The following DNAJB13 variants were observed in gnomAD, a reference collection of about 807,000 sequenced individuals.
DNAJB13 encodes the protein dnaJ homolog subfamily B member 13.
DNAJB13 carries 22 observed loss-of-function variants against 35.6 expected under a neutral mutation model. That is an observed-to-expected ratio of 0.62 (90% CI 0.44 to 0.88). The LOEUF is 0.88. Ranked by LOEUF, DNAJB13 falls within the 40% of genes least tolerant of loss-of-function variation. The probability of loss-of-function intolerance (pLI) is 0.00; values close to 1 mark genes in which losing one functional copy is unlikely to be tolerated. For missense variants in DNAJB13, 370 were observed against 384.3 expected, an observed-to-expected ratio of 0.96 and a Z score of 0.31; for synonymous variants, 136 against 144.2, an observed-to-expected ratio of 0.94 and a Z score of 0.41.
chr11:73,959,511 TACG>T lies in DNAJB13; in HGVS notation c.193_195del (p.Asp65del), dbSNP rs1406867496. 3 of 1,613,764 alleles carry T rather than the reference TACG, an allele frequency of 1.9e-6. No homozygotes were observed. Among genetic ancestry groups the T allele is most frequent in the Non-Finnish European group, 2.5e-6 (3 of 1,179,844 alleles). On this transcript the variant is annotated inframe_deletion, in exon 3 of 8. Coordinates refer to ENST00000339764, the MANE Select transcript of DNAJB13 (RefSeq NM_153614.4). ...ATCCACAGCCATGAAGAGAGGCATCTACGACAAGTTTGGAGAAGAGGGCCTGAA... is the reference window on the plus strand; with the variant it reads ...ATCCACAGCCATGAAGAGAGGCATCTACAAGTTTGGAGAAGAGGGCCTGAA...
chr11:73,964,604 CCCAAGG>C, intron 3 of DNAJB13: 2 of 417,410 alleles, frequency 4.8e-6, no homozygotes, highest in South Asian at 2.5e-5. Flanking sequence ...GGGGGAATGT[CCCAAGG>C]GGAGGTGAAG....
chr11:73,958,178 C>A (rs1950814169), intron 1 of DNAJB13, 139 bp from the exon 2 acceptor site: 1 of 789,846 alleles, frequency 1.3e-6, no homozygotes. Flanking sequence ...GAGCAGTGCA[C>A]CTCCGCAGCC....
chr11:73,955,018 C>G (rs1198770393), intron 1 of DNAJB13, among the ~76,000 whole-genome samples: 2 of 151,982 alleles, frequency 1.3e-5, no homozygotes, highest in African/African-American at 4.8e-5. Context: ...AAAAAGCAGT[C>G]CTTAACCCTT....
intron 7 of DNAJB13, among the ~76,000 whole-genome samples, chr11:73,969,679 T>C (rs1392271852): frequency 6.6e-6 from 1 of 152,198 alleles, no homozygotes; most frequent in East Asian, 1.9e-4. Flanking sequence ...GAGGTTTGCC[T>C]GGCAGCCCAG....
In DNAJB13 at chr11:73,959,533, G is replaced by A. The variant is rs1327469627; in HGVS notation, c.212G>A (p.Gly71Asp). The A allele has an allele frequency of 3.2e-5, 52 of 1,613,976 alleles. No individual in the cohort carries two copies. Among genetic ancestry groups the A allele is most frequent in the African/African-American group, 9.3e-5 (7 of 74,908 alleles). Residue 71 changes from glycine to aspartate, a missense_variant, in exon 3 of 8, where the codon GGC becomes GAC. Gly to Asp is a moderately conservative substitution (Grantham distance 94). Coordinates refer to ENST00000339764, the MANE Select transcript of DNAJB13 (RefSeq NM_153614.4). Reference sequence around the variant, plus strand: ...ATCTACGACAAGTTTGGAGAAGAGGGCCTGAAGGGTGGGATTCCTTTGGAG... The same window carrying A: ...ATCTACGACAAGTTTGGAGAAGAGGACCTGAAGGGTGGGATTCCTTTGGAG... ...RGIYDKFGEE[G>D]LKGGIPLEFG...
Position 73,964,859 on chromosome 11 carries a change from C to A in DNAJB13, c.335-19C>A. ...TCTCTGGATACAATTTCTCTTACTC[C>A]TCTCCCTACCTCCTGCAGAGTTTTT... On this transcript the variant is annotated intron_variant, in intron 3 of 7. Transcript: ENST00000339764. The A allele has an allele frequency of 6.2e-7, 1 of 1,602,292 alleles. No homozygotes were observed.
At chr11:73,951,707 C>T (rs1167876352) in intron 1 of DNAJB13, among the ~76,000 whole-genome samples, 2 of 152,140 alleles carry the variant, frequency 1.3e-5, no homozygotes, top group Admixed American at 1.3e-4. Context: ...AGTGCAATGG[C>T]GTGATCTCGG....
At chr11:73,967,170 A>G (rs994993148) in intron 5 of DNAJB13, among the ~76,000 whole-genome samples, 9 of 151,202 alleles carry the variant, frequency 6.0e-5, no homozygotes, top group African/African-American at 1.9e-4. Context: ...TAATTTTTGT[A>G]TTTTTATAGA....
chr11:73,966,256 G>T lies in DNAJB13; in HGVS notation c.606+5G>T. ...TTTGAGAAGGAAGGGGACCAGGTGA[G>T]GGGGGAAGAAGCTGACTCAGGTCAG... On this transcript the variant is annotated splice_donor_5th_base_variant and intron_variant, in intron 5 of 7. Coordinates refer to ENST00000339764, the MANE Select transcript of DNAJB13 (RefSeq NM_153614.4). 8 of 1,610,194 alleles carry T rather than the reference G, an allele frequency of 5.0e-6. No homozygotes were observed. Among genetic ancestry groups the T allele is most frequent in the Non-Finnish European group, 5.9e-6 (7 of 1,178,270 alleles).
chr11:73,957,938 T>TGCAGCGAGGCCCGGGGA lies in DNAJB13; in HGVS notation c.69-373_69-357dup, dbSNP rs547743089. On this transcript the variant is annotated intron_variant, in intron 1 of 7. Transcript: ENST00000339764. ...CAGGGAGGGGAGGAAGGAGGGAGAG[T>TGCAGCGAGGCCCGGGGA]GCAGCGAGGCCCGGGGAGCAGCTCA... 6.3e-3 allele frequency among the ~76,000 whole-genome samples: 953 copies of TGCAGCGAGGCCCGGGGA among 151,126 alleles called. 14 individuals carry two copies. Among genetic ancestry groups the TGCAGCGAGGCCCGGGGA allele is most frequent in the African/African-American group, 0.022 (903 of 41,124 alleles).
chr11:73,959,418 C>T (rs1950858528), intron 2 of DNAJB13, 76 bp from the exon 3 acceptor site: 9 of 1,527,114 alleles, frequency 5.9e-6, no homozygotes, highest in Non-Finnish European at 7.1e-6. Flanking sequence ...TTCTCCATAT[C>T]CGCCTGCTTC....
At chr11:73,966,672 A>T (rs1283538336) in intron 5 of DNAJB13, among the ~76,000 whole-genome samples, 2 of 142,574 alleles carry the variant, frequency 1.4e-5, no homozygotes, top group Admixed American at 1.4e-4. Context: ...TTATTTATGT[A>T]TTTATTTATT....
At chr11:73,955,394 C>T (rs77172960) in intron 1 of DNAJB13, among the ~76,000 whole-genome samples, 11,865 of 151,574 alleles carry the variant, frequency 0.078, 577 homozygotes, top group African/African-American at 0.13. Flanking sequence ...CTGCAACCTC[C>T]ACCTTCTAGG....
intron 1 of DNAJB13, among the ~76,000 whole-genome samples, chr11:73,954,351 C>T (rs1340968368): frequency 6.8e-6 from 1 of 148,116 alleles, no homozygotes; most frequent in African/African-American, 2.5e-5. Flanking sequence ...AAAAAGTAGG[C>T]CGGGCGCAGT....
At chr11:73,963,972 G>A (rs997431746) in intron 3 of DNAJB13, 1 of 152,130 alleles carries the variant, frequency 6.6e-6, no homozygotes, top group African/African-American at 2.4e-5. Context: ...TACTAGCTAC[G>A]GGACCTTAAG....
Position 73,959,657 on chromosome 11 carries a change from TAAGAGG to T in DNAJB13, c.334+3_334+8del. 6.2e-7 allele frequency: 1 copy of T among 1,612,656 alleles called. No homozygotes were observed. The highest frequency in any genetic ancestry group is 8.5e-7 in the Non-Finnish European group (1 of 1,178,944). On this transcript the variant is annotated splice_donor_5th_base_variant and intron_variant, in intron 3 of 7. Transcript: ENST00000339764. ...TTGGTGGAAACAACCCCTTCAGTGG[TAAGAGG>T]TCTTCCTCCCCCACCTTGCCTTATA...
intron 3 of DNAJB13, chr11:73,964,672 C>G (rs1951030441): frequency 1.7e-6 from 1 of 592,822 alleles, no homozygotes; most frequent in Non-Finnish European, 3.0e-6. Flanking sequence ...TTGAAGACAG[C>G]TCCTTGGCTT....
In DNAJB13 at chr11:73,951,514, A is replaced by G. The variant is rs189713248; in HGVS notation, c.68+377A>G. ...AGGCCAGATGGATGTTTTAAATTCA[A>G]TTCTGGCCATGATGGAGGTTTTCAG... On this transcript the variant is annotated intron_variant, in intron 1 of 7. Coordinates refer to ENST00000339764, the MANE Select transcript of DNAJB13 (RefSeq NM_153614.4). Among the ~76,000 whole-genome samples, 16 of 152,308 alleles carry G rather than the reference A, an allele frequency of 1.1e-4. No homozygotes were observed. In the East Asian group the frequency reaches 3.1e-3, roughly 29 times the overall value.
chr11:73,965,964 C>T, intron 4 of DNAJB13, 174 bp from the exon 5 acceptor site: 2 of 627,648 alleles, frequency 3.2e-6, no homozygotes, highest in Non-Finnish European at 5.7e-6. Flanking sequence ...GGCAGGCTCT[C>T]CCCATTGCTG....
Sources: gnomAD v4.1 joint callset for allele counts (sites outside exome capture counted in the v4.1 genomes callset) on GRCh38, gnomAD v4.1.1 for gene constraint, MANE v1.5 for transcripts, NCBI Gene and HGNC (gene_info 2026-07-23, HGNC 2026-07-21) for gene names.